SH3YL1: variants seen among roughly 807,000 people sequenced by gnomAD.
SH3YL1 encodes the protein SH3 domain-containing YSC84-like protein 1.
In SH3YL1, 41 loss-of-function variants were observed where a neutral mutation model predicts 45.8. The ratio of observed to expected loss-of-function variants is 0.89; its 90% CI spans 0.70 to 1.16. The LOEUF is 1.16. SH3YL1 is among the 50% of genes most tolerant of loss of function. The probability of loss-of-function intolerance (pLI) is 0.00; values close to 1 mark genes in which losing one functional copy is unlikely to be tolerated. For missense variants in SH3YL1, 389 were observed against 409.6 expected (o/e 0.95, Z 0.43); for synonymous variants, 152 against 151.4 (o/e 1.00, Z -0.03).
intron 8 of SH3YL1, among the ~76,000 whole-genome samples, chr2:226,212 T>C (rs539944838): frequency 1.2e-4 from 18 of 152,152 alleles, no homozygotes; most frequent in Non-Finnish European, 1.5e-4. Flanking sequence ...TATTTTTAGA[T>C]AAAATTTAAA....
chr2:241,335 T>C (rs1037402816), intron 4 of SH3YL1: 3 of 151,926 alleles, frequency 2.0e-5, no homozygotes, highest in African/African-American at 7.3e-5. Flanking sequence ...ACTGGTAAAT[T>C]TGAATAATAG....
At chr2:232,003 G>A (rs1278064781) in intron 6 of SH3YL1, among the ~76,000 whole-genome samples, 1 of 151,804 alleles carries the variant, frequency 6.6e-6, no homozygotes, top group African/African-American at 2.4e-5. Context: ...CACGCGTGGC[G>A]AATTTGAATG....
At chr2:264,055 C>A (rs1669730770), upstream of SH3YL1, 5 of 1,355,680 alleles carry the variant, frequency 3.7e-6, no homozygotes, top group East Asian at 1.2e-4. Flanking sequence ...CCCCGCCCCG[C>A]GGACAAGGAG....
intron 1 of SH3YL1, chr2:260,334 G>C (rs919263050): frequency 6.6e-6 from 1 of 152,174 alleles, no homozygotes; most frequent in Non-Finnish European, 1.5e-5. Context: ...CTTTATTTCA[G>C]AGGCAGCACA....
Position 233,177 on chromosome 2 carries a change from A to G in SH3YL1, c.457T>C (p.Cys153Arg). The change falls in exon 6 of 10, where the codon TGC (cysteine) becomes CGC (arginine). Residue 153 changes from cysteine to arginine, a missense_variant. Cys to Arg is a radical substitution (Grantham distance 180). Transcript: ENST00000356150. ...CCTGCAAAGAGTCCCCTTGACTTGC[A>G]GTACGTGAAGACGGCAGCGGAGCTT... is the stretch of plus-strand genomic sequence containing the variant. ...LRSSAAVFTY[C>R]KSRGLFAGVS... is the part of the protein sequence containing the mutation. 2 of 1,596,172 alleles carry G rather than the reference A, an allele frequency of 1.3e-6. No homozygotes were observed. Among genetic ancestry groups the G allele is most frequent in the Non-Finnish European group, 1.7e-6 (2 of 1,169,612 alleles).
chr2:225,015 A>G, intron 8 of SH3YL1, 95 bp from the exon 9 acceptor site: 1 of 893,800 alleles, frequency 1.1e-6, no homozygotes, highest in Admixed American at 1.9e-5. Flanking sequence ...TGCTGAGCAA[A>G]TATTTTAAAT....
At chr2:223,642 C>A (rs1227152477) in intron 9 of SH3YL1, among the ~76,000 whole-genome samples, 1 of 152,214 alleles carries the variant, frequency 6.6e-6, no homozygotes, top group Non-Finnish European at 1.5e-5. Flanking sequence ...CTCTTTAAAT[C>A]AGCCTGTAAT....
upstream of SH3YL1, chr2:264,093 G>A (rs1572189396): frequency 7.5e-7 from 1 of 1,334,360 alleles, no homozygotes; most frequent in Non-Finnish European, 9.6e-7. Flanking sequence ...CCTGCGGCAG[G>A]TGACGAAGGA....
chr2:233,094 AACTG>A lies in SH3YL1; in HGVS notation c.533+3_533+6del, dbSNP rs767571848. The A allele has an allele frequency of 2.6e-6, 4 of 1,551,490 alleles. No individual in the cohort carries two copies. Among genetic ancestry groups the A allele is most frequent in the Admixed American group, 2.0e-5 (1 of 49,720 alleles). ...TTTCAATTAAAATCACTTTAACTTG[AACTG>A]ACTTTCTATTAGTTTCTTTCCTTTC... On this transcript the variant is annotated splice_donor_5th_base_variant and intron_variant, in intron 6 of 9. Coordinates refer to ENST00000356150, the MANE Select transcript of SH3YL1 (RefSeq NM_015677.4).
At chr2:243,512 T>A in intron 4 of SH3YL1, 1 of 1,539,774 alleles carries the variant, frequency 6.5e-7, no homozygotes, top group South Asian at 1.2e-5. Flanking sequence ...CCCACACTTA[T>A]GGAAGGCAGC....
At position 243,819 on chromosome 2, in the gene SH3YL1, G is replaced by A. The variant is rs1295895264; in HGVS notation, c.291+3719C>T. Among the ~76,000 whole-genome samples, 4 of 152,122 alleles carry A rather than the reference G, an allele frequency of 2.6e-5. No homozygotes were observed. The East Asian group carries it at 5.8e-4, about 22-fold the overall frequency. ...GTGTGATCTTAGGTAAGACACTAAT[G>A]TCTCTGTATATTGAAAATAATGTGT... On this transcript the variant is annotated intron_variant, in intron 4 of 9. Coordinates refer to ENST00000356150, the MANE Select transcript of SH3YL1 (RefSeq NM_015677.4).
At chr2:240,553 A>C (rs1038356132) in intron 4 of SH3YL1, 3 of 152,294 alleles carry the variant, frequency 2.0e-5, no homozygotes, top group African/African-American at 7.2e-5. Flanking sequence ...AACCAGGGAC[A>C]GAGATAGCTA....
At chr2:225,931 T>A (rs1222172569) in intron 8 of SH3YL1, among the ~76,000 whole-genome samples, 4 of 152,178 alleles carry the variant, frequency 2.6e-5, no homozygotes, top group Admixed American at 2.6e-4. Context: ...AAGTAATAAA[T>A]GTATACATGT....
At chr2:262,519 G>C in intron 1 of SH3YL1, 1 of 1,198,482 alleles carries the variant, frequency 8.3e-7, no homozygotes, top group Non-Finnish European at 1.1e-6. Flanking sequence ...ATGCCACACT[G>C]GTCTGATCTT....
chr2:219,088 G>C (rs1215147684), intron 9 of SH3YL1, 87 bp from the exon 10 acceptor site: 3 of 1,077,642 alleles, frequency 2.8e-6, no homozygotes, highest in African/African-American at 3.2e-5. Context: ...TAACCACTTA[G>C]GGCTTGGCAT....
chr2:227,891 G>A (rs916248555), intron 8 of SH3YL1, among the ~76,000 whole-genome samples: 1 of 73,986 alleles, frequency 1.4e-5, no homozygotes, highest in African/African-American at 4.2e-5. Flanking sequence ...ATAAAATTAT[G>A]TGTGTGTGTG....
At chr2:220,935 G>T (rs1667541999) in intron 9 of SH3YL1, among the ~76,000 whole-genome samples, 1 of 152,170 alleles carries the variant, frequency 6.6e-6, no homozygotes, top group Admixed American at 6.5e-5. Context: ...TTATACACTT[G>T]CAGTCTCATT....
chr2:234,348 A>C (rs1668191503), intron 4 of SH3YL1, 76 bp from the exon 5 acceptor site: 1 of 1,068,318 alleles, frequency 9.4e-7, no homozygotes, highest in Admixed American at 2.0e-5. Context: ...ACTAACACTC[A>C]ACTACACCAT....
At chr2:246,865 G>C (rs1229365453) in intron 4 of SH3YL1, among the ~76,000 whole-genome samples, 1 of 152,192 alleles carries the variant, frequency 6.6e-6, no homozygotes, top group Non-Finnish European at 1.5e-5. Flanking sequence ...TTACAACTAT[G>C]TCAACAGGGC....
Sources: gnomAD v4.1 joint callset for allele counts (sites outside exome capture counted in the v4.1 genomes callset) on GRCh38, gnomAD v4.1.1 for gene constraint, MANE v1.5 for transcripts, NCBI Gene and HGNC (gene_info 2026-07-23, HGNC 2026-07-21) for gene names.